Variants in EPM2A observed in about 807,000 individuals in gnomAD.
EPM2A encodes the protein EPM2A glucan phosphatase, laforin.
Under a neutral mutation model 26.5 loss-of-function variants are expected in EPM2A, and 21 were observed. The observed-to-expected ratio is 0.79, with a 90% CI of 0.56 to 1.14. The LOEUF (loss-of-function observed/expected upper bound fraction) is 1.14, where lower values mean the gene tolerates loss of function less well. Among genes scored for constraint, EPM2A ranks in the 50% most tolerant of loss-of-function variants. EPM2A has a pLI of 0.00. For synonymous variants in EPM2A, 217 were observed against 177.6 expected (o/e 1.22, Z -1.76); for missense variants, 458 against 440.8 (o/e 1.04, Z -0.35).
At chr6:145,704,458 T>C (rs1015402596) in intron 1 of EPM2A, among the ~76,000 whole-genome samples, 3 of 152,234 alleles carry the variant, frequency 2.0e-5, no homozygotes, top group Admixed American at 1.3e-4. Flanking sequence ...TTTGGAATAA[T>C]AGAGTTTAAT....
chr6:145,605,977 C>T (rs764216638), intron 2 of EPM2A, among the ~76,000 whole-genome samples: 2 of 152,100 alleles, frequency 1.3e-5, no homozygotes, highest in African/African-American at 2.4e-5. Flanking sequence ...AGCTATTAAA[C>T]TCCTAGCCTT....
rs1001692970 is a variant in EPM2A, at chr6:145,564,774, G to A, written c.341-62199C>T. Among the ~76,000 whole-genome samples the A allele has an allele frequency of 2.4e-4, 11 of 46,754 alleles. No homozygotes were observed. In the East Asian group the frequency reaches 2.5e-3, roughly 10 times the overall value. The allele number at this position is 46,754 out of a possible 152,430, so 30.7% of individuals were successfully genotyped here. ...TACACAGATCTTGTGGGTATATGGT[G>A]GGGGGGGGCAGGGGGTGTGGAGGGA... On this transcript the variant is annotated intron_variant, in intron 2 of 3. Transcript: ENST00000450221.
chr6:145,729,311 C>G (rs1776367350), intron 1 of EPM2A, among the ~76,000 whole-genome samples: 2 of 152,184 alleles, frequency 1.3e-5, no homozygotes, highest in Admixed American at 6.5e-5. Flanking sequence ...GTCCTCTAGA[C>G]ACCACAATGG....
intron 2 of EPM2A, among the ~76,000 whole-genome samples, chr6:145,583,059 T>C (rs1246470620): frequency 1.3e-5 from 2 of 152,158 alleles, no homozygotes; most frequent in African/African-American, 4.8e-5. Context: ...TCCCGTCTTG[T>C]TTTATTGTAT....
chr6:145,411,437 T>A (rs893966225), intron 4 of EPM2A, among the ~76,000 whole-genome samples: 3 of 152,268 alleles, frequency 2.0e-5, no homozygotes, highest in African/African-American at 7.2e-5. Context: ...TGAGCCATAA[T>A]CACTTGAAAC....
chr6:145,395,992 A>G (rs1480403876), intron 4 of EPM2A, among the ~76,000 whole-genome samples: 1 of 152,164 alleles, frequency 6.6e-6, no homozygotes, highest in Non-Finnish European at 1.5e-5. Context: ...ATTTATACAC[A>G]CAGCAGACAT....
At chr6:145,663,553 G>A (rs1246106980) in intron 2 of EPM2A, among the ~76,000 whole-genome samples, 1 of 152,166 alleles carries the variant, frequency 6.6e-6, no homozygotes, top group Non-Finnish European at 1.5e-5. Flanking sequence ...GTACCTGAAA[G>A]TGATGCGGAG....
rs116414974 is a variant in EPM2A, at chr6:145,698,740, C to A, written c.302-12444G>T. On this transcript the variant is annotated intron_variant, in intron 1 of 3. Transcript: ENST00000367519. The stretch of plus-strand genomic sequence containing the variant: ...CACCCCAAAATTTATATAATGAAGC[C>A]CTGACCTCCCAATGTGATTATATTT... Among the ~76,000 whole-genome samples, 768 of 152,092 alleles carry A rather than the reference C, an allele frequency of 5.0e-3. 3 individuals are homozygous for A. Among genetic ancestry groups the A allele is most frequent in the African/African-American group, 0.018 (748 of 41,458 alleles).
At chr6:145,655,392 G>A (rs2128582166) in intron 2 of EPM2A, among the ~76,000 whole-genome samples, 1 of 152,244 alleles carries the variant, frequency 6.6e-6, no homozygotes, top group East Asian at 1.9e-4. Flanking sequence ...GAACTGTTTA[G>A]TAATTTTGGA....
intron 2 of EPM2A, among the ~76,000 whole-genome samples, chr6:145,508,255 C>T (rs1397170919): frequency 6.6e-6 from 1 of 152,190 alleles, no homozygotes; most frequent in Non-Finnish European, 1.5e-5. Flanking sequence ...ATTGGCTCTA[C>T]CCCCACCAAA....
intron 2 of EPM2A, chr6:145,636,491 A>G (rs1021529688): frequency 1.3e-5 from 2 of 152,160 alleles, no homozygotes; most frequent in Admixed American, 6.6e-5. Flanking sequence ...TCTCTTAAAA[A>G]AAAAAAAAGT....
intron 1 of EPM2A, among the ~76,000 whole-genome samples, chr6:145,729,100 A>C (rs1227558457): frequency 6.6e-6 from 1 of 152,212 alleles, no homozygotes; most frequent in Non-Finnish European, 1.5e-5. Flanking sequence ...AGAGGGCAAG[A>C]GTTTAGGCTT....
chr6:145,457,377 G>A (rs996899211), intron 4 of EPM2A, among the ~76,000 whole-genome samples: 5 of 151,574 alleles, frequency 3.3e-5, no homozygotes, highest in East Asian at 3.9e-4. Flanking sequence ...CCAGCTACTC[G>A]GGAGGCTGAG....
chr6:145,490,323 T>G, intron 4 of EPM2A: 4 of 1,478,660 alleles, frequency 2.7e-6, no homozygotes, highest in Non-Finnish European at 1.8e-6. Flanking sequence ...AACACACTGT[T>G]GCAGACATGG....
chr6:145,668,211 C>T (rs1016317787), intron 2 of EPM2A, among the ~76,000 whole-genome samples: 2 of 151,110 alleles, frequency 1.3e-5, no homozygotes, highest in African/African-American at 4.9e-5. Flanking sequence ...CTAAACAGGC[C>T]AAAGAAGTCT....
Position 145,626,431 on chromosome 6 carries a change from G to T in EPM2A, c.*985C>A, listed in dbSNP as rs1187517013. 2.0e-6 allele frequency: 2 copies of T among 985,716 alleles called. No homozygotes were observed. Among genetic ancestry groups the T allele is most frequent in the East Asian group, 1.1e-4 (1 of 8,826 alleles). The allele number at this position is 985,716 out of a possible 1,614,324, so 61.1% of individuals were successfully genotyped here. A position where few individuals can be genotyped will look rare whatever the true frequency, so the allele number is the denominator to read the frequency against. On this transcript the variant is annotated 3_prime_UTR_variant, in exon 4 of 4. Transcript: ENST00000367519. Reference sequence around the variant, plus strand: ...GAATTTCCACTCTGGTCTTAAAACAGCCCATCATGTTTTTAAATTAGCTTG... The same window carrying T: ...GAATTTCCACTCTGGTCTTAAAACATCCCATCATGTTTTTAAATTAGCTTG...
chr6:145,467,516 AT>A (rs1312481916), intron 4 of EPM2A, among the ~76,000 whole-genome samples: 1 of 152,082 alleles, frequency 6.6e-6, no homozygotes, highest in Non-Finnish European at 1.5e-5. Context: ...TACACTATGT[AT>A]TTTTTAATGA....
intron 2 of EPM2A, among the ~76,000 whole-genome samples, chr6:145,593,429 C>G (rs770131461): frequency 6.6e-6 from 1 of 152,066 alleles, no homozygotes. Context: ...TGAATCAACT[C>G]GCTCTAGTTG....
At chr6:145,635,140 C>T in intron 3 of EPM2A, 105 bp downstream of exon 3, 1 of 1,281,544 alleles carries the variant, frequency 7.8e-7, no homozygotes, top group Non-Finnish European at 1.1e-6. Flanking sequence ...TATATTTATT[C>T]CATTTCTACC....
Sources: allele counts gnomAD v4.1 joint callset (sites outside exome capture counted in the v4.1 genomes callset), GRCh38; gene constraint gnomAD v4.1.1; transcripts MANE v1.5; gene names NCBI Gene and HGNC (gene_info 2026-07-23, HGNC 2026-07-21).